MAPKBP1: variants seen among roughly 807,000 people sequenced by gnomAD.
MAPKBP1 encodes the protein mitogen-activated protein kinase-binding protein 1.
In MAPKBP1, 71 loss-of-function variants were observed where a neutral mutation model predicts 170.5. That is an observed-to-expected ratio of 0.42 (90% confidence interval 0.34 to 0.51). The LOEUF (loss-of-function observed/expected upper bound fraction) is 0.51. Ranked by LOEUF, MAPKBP1 falls within the 20% of genes least tolerant of loss-of-function variation. The probability of loss-of-function intolerance (pLI) is 0.06; values close to 1 mark genes in which losing one functional copy is unlikely to be tolerated. For synonymous variants in MAPKBP1, 719 were observed against 757.9 expected, an observed-to-expected ratio of 0.95 and a Z score of 0.84; for missense variants, 1,598 against 1,933.0, an observed-to-expected ratio of 0.83 and a Z score of 3.25.
intron 3 of MAPKBP1, among the ~76,000 whole-genome samples, chr15:41,810,437 C>G (rs2064782123): frequency 6.6e-6 from 1 of 151,500 alleles, no homozygotes; most frequent in Non-Finnish European, 1.5e-5. Flanking sequence ...GCAGTGGAGG[C>G]TGGGCACGGT....
chr15:41,805,100 AT>A (rs1191050268), intron 3 of MAPKBP1, among the ~76,000 whole-genome samples: 1 of 152,188 alleles, frequency 6.6e-6, no homozygotes, highest in East Asian at 1.9e-4. Flanking sequence ...AACTCAGAAA[AT>A]TCTCTGAGGC....
At chr15:41,802,206 A>G (rs1273867920) in intron 3 of MAPKBP1, among the ~76,000 whole-genome samples, 2 of 152,212 alleles carry the variant, frequency 1.3e-5, no homozygotes, top group East Asian at 3.8e-4. Flanking sequence ...ACTTACCATG[A>G]ATGGAGTTTC....
rs1472438225 is a variant in MAPKBP1 at position 41,817,435 on chromosome 15, A to C, written c.1759A>C (p.Ile587Leu). ...GATCAGCTGTGGAGCAGACAAGAGCATCTACTTCCGCACTGCGCAGAAGGT... is the reference window on the plus strand; with the variant it reads ...GATCAGCTGTGGAGCAGACAAGAGCCTCTACTTCCGCACTGCGCAGAAGGT... ...RMISCGADKS[I>L]YFRTAQKSGD... Residue 587 changes from isoleucine to leucine, a missense_variant, in exon 15 of 31, where the codon ATC becomes CTC. Ile to Leu is a conservative substitution (Grantham distance 5). Transcript: ENST00000457542. This position sits in a 1 kb window ranked among gnomAD's most constrained non-coding sequence, Gnocchi z 4.2. 1.2e-6 allele frequency: 2 copies of C among 1,611,542 alleles called. No individual in the cohort carries two copies. The highest frequency in any genetic ancestry group is 2.7e-5 in the African/African-American group (2 of 74,898).
intron 24 of MAPKBP1, 29 bp from the exon 25 acceptor site, chr15:41,821,935 CT>C: frequency 6.2e-7 from 1 of 1,605,326 alleles, no homozygotes; most frequent in Non-Finnish European, 8.5e-7. Context: ...TGCTCACTGC[CT>C]TTTCTTCTCC....
intron 2 of MAPKBP1, among the ~76,000 whole-genome samples, chr15:41,777,292 G>T (rs1010682981): frequency 9.3e-5 from 14 of 149,830 alleles, no homozygotes; most frequent in Non-Finnish European, 5.9e-5. Flanking sequence ...AGTGAGCTCA[G>T]ATCCTGCCAG....
chr15:41,795,691 C>CT (rs1243021443), intron 2 of MAPKBP1, among the ~76,000 whole-genome samples: 1 of 152,218 alleles, frequency 6.6e-6, no homozygotes, highest in Non-Finnish European at 1.5e-5. Flanking sequence ...ACTGTAAGCT[C>CT]TGCCTCCCGG....
intron 2 of MAPKBP1, among the ~76,000 whole-genome samples, chr15:41,795,422 TG>T (rs2064471352): frequency 6.6e-6 from 1 of 150,626 alleles, no homozygotes; most frequent in Non-Finnish European, 1.5e-5. Context: ...AGTGAGTGAG[TG>T]AAGGGGAGGG....
chr15:41,787,838 T>G (rs186093928), intron 2 of MAPKBP1, among the ~76,000 whole-genome samples: 1 of 152,318 alleles, frequency 6.6e-6, no homozygotes, highest in African/African-American at 2.4e-5. Context: ...TCTTACTTCC[T>G]GCCACAACTT....
At chr15:41,775,499 T>G in intron 2 of MAPKBP1, 110 bp downstream of exon 2, 1 of 797,284 alleles carries the variant, frequency 1.3e-6, no homozygotes, top group Non-Finnish European at 2.1e-6. Flanking sequence ...TTGTTGACTC[T>G]AAAGGATCAC....
chr15:41,821,765 C>G lies in MAPKBP1; in HGVS notation c.2885+15C>G. Reference sequence around the variant, plus strand: ...ATGGATACCAGGCAAGGATCCTGCCCTAGCCAGACCCCGTGCCCCCGTCTT... The same window carrying G: ...ATGGATACCAGGCAAGGATCCTGCCGTAGCCAGACCCCGTGCCCCCGTCTT... On this transcript the variant is annotated intron_variant, in intron 24 of 30. Transcript: ENST00000457542. 1 of 1,612,844 alleles carries G rather than the reference C, an allele frequency of 6.2e-7. No individual in the cohort carries two copies. Among genetic ancestry groups the G allele is most frequent in the Non-Finnish European group, 8.5e-7 (1 of 1,179,766 alleles).
intron 2 of MAPKBP1, 80 bp downstream of exon 2, chr15:41,775,469 G>A: frequency 9.4e-7 from 1 of 1,062,416 alleles, no homozygotes. Flanking sequence ...CTGTTTCTTG[G>A]GAAAGATAAC....
At chr15:41,799,750 C>T (rs2064556800) in intron 2 of MAPKBP1, 73 bp from the exon 3 acceptor site, 5 of 1,259,448 alleles carry the variant, frequency 4.0e-6, no homozygotes, top group Non-Finnish European at 5.8e-6. Flanking sequence ...TCAGGATGGT[C>T]CCAAGTACCT....
At chr15:41,786,930 G>A (rs1440685284) in intron 2 of MAPKBP1, among the ~76,000 whole-genome samples, 1 of 150,516 alleles carries the variant, frequency 6.6e-6, no homozygotes, top group Non-Finnish European at 1.5e-5. Flanking sequence ...ATTGAGTCTT[G>A]CTCTGTCGCC....
intron 2 of MAPKBP1, among the ~76,000 whole-genome samples, chr15:41,780,542 A>G (rs746708778): frequency 9.2e-5 from 14 of 152,230 alleles, no homozygotes; most frequent in Non-Finnish European, 1.8e-4. Context: ...ATAAAGCTAC[A>G]GTGTTTTCAG....
intron 30 of MAPKBP1, 73 bp from the exon 31 acceptor site, chr15:41,825,136 C>G: frequency 7.7e-7 from 1 of 1,293,664 alleles, no homozygotes; most frequent in Non-Finnish European, 1.1e-6. Flanking sequence ...CAGGCTGGAC[C>G]CAGGTGGGGC....
intron 2 of MAPKBP1, among the ~76,000 whole-genome samples, chr15:41,786,777 A>AAATATATATATATAT: frequency 6.8e-4 from 22 of 32,430 alleles, no homozygotes; most frequent in South Asian, 1.0e-3. Flanking sequence ...AAAAAAAAAA[A>AAATATATATATATAT]ATATATATAT....
chr15:41,791,724 T>G (rs2064398941), intron 2 of MAPKBP1, among the ~76,000 whole-genome samples: 1 of 152,144 alleles, frequency 6.6e-6, no homozygotes, highest in South Asian at 2.1e-4. Context: ...CAGCACTCAC[T>G]ATTAATCACC....
chr15:41,777,234 G>A (rs940373209), intron 2 of MAPKBP1, among the ~76,000 whole-genome samples: 1 of 151,868 alleles, frequency 6.6e-6, no homozygotes, highest in East Asian at 1.9e-4. Context: ...CCAGCTACTC[G>A]GGAGGCTGAG....
At position 41,823,497 on chromosome 15, in the gene MAPKBP1, C is replaced by G; in HGVS notation, c.3649C>G (p.Arg1217Gly). The G allele has an allele frequency of 4.3e-6, 7 of 1,614,048 alleles. No individual in the cohort carries two copies. The highest frequency in any genetic ancestry group is 5.9e-6 in the Non-Finnish European group (7 of 1,179,976). Residue 1217 changes from arginine to glycine, a missense_variant, in exon 29 of 31, where the codon CGG becomes GGG. Around this residue, in one of 6 missense-constraint regions of MAPKBP1, gnomAD observed 942 missense variants for 953.2 expected, o/e 0.99. Coordinates refer to ENST00000457542, the MANE Select transcript of MAPKBP1 (RefSeq NM_014994.3). ...CCCTTCACCAGGCGCACTGCTGTCT[C>G]GGGAGATCGAAGCTCAGGATGGTCT... Reference protein sequence around the residue: ...QAPSPGALLSREIEAQDGLGS... With the variant: ...QAPSPGALLSGEIEAQDGLGS...
Sources: gnomAD v4.1 joint callset for allele counts (sites outside exome capture counted in the v4.1 genomes callset) on GRCh38, gnomAD v4.1.1 for gene constraint, gnomAD v4.1.1 regional missense constraint, Gnocchi (gnomAD v3.1) non-coding constraint, MANE v1.5 for transcripts, NCBI Gene and HGNC (gene_info 2026-07-23, HGNC 2026-07-21) for gene names.